Variants in GABRA2 observed in about 807,000 individuals in gnomAD.
GABRA2 encodes gamma-aminobutyric acid type A receptor subunit alpha2, also known as gamma-aminobutyric acid receptor subunit alpha-2.
In GABRA2, 16 loss-of-function variants were observed where a neutral mutation model predicts 48.7. That is an observed-to-expected ratio of 0.33 (90% CI 0.22 to 0.50). The LOEUF is 0.50. Ranked by LOEUF, GABRA2 falls within the 20% of genes least tolerant of loss-of-function variation. GABRA2 has a pLI of 0.98. For synonymous variants in GABRA2, 185 were observed against 184.5 expected (o/e 1.00, Z -0.02); for missense variants, 275 against 535.6 (o/e 0.51, Z 4.80).
chr4:46,358,438 A>G (rs991423488), intron 3 of GABRA2, among the ~76,000 whole-genome samples: 1 of 152,212 alleles, frequency 6.6e-6, no homozygotes, highest in South Asian at 2.1e-4. Context: ...TCCATATAGT[A>G]TAACATATTG....
intron 3 of GABRA2, chr4:46,365,791 T>C (rs992111615): frequency 6.6e-6 from 1 of 152,058 alleles, no homozygotes; most frequent in Non-Finnish European, 1.5e-5. Flanking sequence ...GTACACTATA[T>C]TGTGTCTCAT....
At chr4:46,319,985 A>T (rs1019313159) in intron 4 of GABRA2, among the ~76,000 whole-genome samples, 3 of 151,794 alleles carry the variant, frequency 2.0e-5, no homozygotes, top group East Asian at 1.9e-4. Flanking sequence ...AAAGACAGAG[A>T]GGCAAGATTT....
chr4:46,380,095 C>G (rs951275854), intron 3 of GABRA2, among the ~76,000 whole-genome samples: 1 of 152,296 alleles, frequency 6.6e-6, no homozygotes, highest in East Asian at 1.9e-4. Flanking sequence ...AGGGTGGTGA[C>G]TATGCTTTCA....
chr4:46,388,588 C>T, intron 2 of GABRA2, 48 bp downstream of exon 2: 1 of 1,603,944 alleles, frequency 6.2e-7, no homozygotes, highest in Non-Finnish European at 8.5e-7. Flanking sequence ...CTACAAGAAA[C>T]ACATCTTTGC....
chr4:46,384,107 G>A (rs565266298), intron 3 of GABRA2, among the ~76,000 whole-genome samples: 1 of 152,268 alleles, frequency 6.6e-6, no homozygotes, highest in East Asian at 1.9e-4. Flanking sequence ...TATGGCCAAG[G>A]CACAGCTTTG....
intron 4 of GABRA2, among the ~76,000 whole-genome samples, chr4:46,321,540 A>G (rs1729449784): frequency 6.6e-6 from 1 of 152,108 alleles, no homozygotes; most frequent in Non-Finnish European, 1.5e-5. Flanking sequence ...TCATAATGAT[A>G]CATATTAAGT....
intron 8 of GABRA2, among the ~76,000 whole-genome samples, chr4:46,276,493 A>G (rs2109434768): frequency 6.6e-6 from 1 of 152,180 alleles, no homozygotes; most frequent in South Asian, 2.1e-4. Context: ...GTTAACTAGG[A>G]GAATTCAAAT....
intron 8 of GABRA2, among the ~76,000 whole-genome samples, chr4:46,278,233 T>C (rs943575428): frequency 6.6e-6 from 1 of 152,174 alleles, no homozygotes; most frequent in Admixed American, 6.6e-5. Context: ...ATCCAAACTT[T>C]CTGTTTGTTG....
chr4:46,312,588 A>C lies in GABRA2; in HGVS notation c.384T>G (p.Phe128Leu). ...ASKIWTPDTF[F>L]HNGKKSVAHN... ...GAGCTACTGATTTTTTCCCATTGTGAAAAAAGGTATCTGGAGTCCAGATTT... is the reference window on the plus strand; with the variant it reads ...GAGCTACTGATTTTTTCCCATTGTGCAAAAAGGTATCTGGAGTCCAGATTT... The change falls in exon 5 of 10, where the codon TTT (phenylalanine) becomes TTG (leucine). Residue 128 changes from phenylalanine (F) to leucine (L), a missense_variant. Transcript: ENST00000381620. 6.3e-7 allele frequency: 1 copy of C among 1,595,400 alleles called. No individual in the cohort carries two copies. The highest frequency in any genetic ancestry group is 8.5e-7 in the Non-Finnish European group (1 of 1,171,798).
chr4:46,259,534 C>T (rs992780308), intron 9 of GABRA2, among the ~76,000 whole-genome samples: 3 of 151,904 alleles, frequency 2.0e-5, no homozygotes, highest in African/African-American at 4.8e-5. Context: ...TGTAATATGT[C>T]GAGTGTGCAC....
At chr4:46,312,317 A>T (rs113030293) in intron 5 of GABRA2, among the ~76,000 whole-genome samples, 179 bp downstream of exon 5, 2,391 of 152,314 alleles carry the variant, frequency 0.016, 66 homozygotes, top group African/African-American at 0.055. Context: ...CTCAAACTCA[A>T]AAATACTATT....
rs1366816404 is a variant in GABRA2, at chr4:46,386,066, A to G, written c.187+8T>C. The stretch of plus-strand genomic sequence containing the variant: ...ACGAGAGTTTTAAAAGAGGAAAACT[A>G]TTTTTACCTCCCAGTCCTGGTCTAA... On this transcript the variant is annotated splice_region_variant and intron_variant, in intron 3 of 9. Transcript: ENST00000381620. The G allele has an allele frequency of 1.3e-6, 2 of 1,551,334 alleles. No homozygotes were observed. The highest frequency in any genetic ancestry group is 1.7e-5 in the Admixed American group (1 of 58,462).
At chr4:46,372,175 A>AGCTTAC (rs1366298972) in intron 3 of GABRA2, among the ~76,000 whole-genome samples, 5 of 152,220 alleles carry the variant, frequency 3.3e-5, no homozygotes, top group African/African-American at 9.6e-5. Flanking sequence ...CATTGCCAGT[A>AGCTTAC]GCTTACTGAT....
chr4:46,271,637 T>G (rs1018522858), intron 8 of GABRA2, among the ~76,000 whole-genome samples: 1 of 151,950 alleles, frequency 6.6e-6, no homozygotes, highest in Non-Finnish European at 1.5e-5. Flanking sequence ...ACTCACATCT[T>G]TAATATTGGT....
At chr4:46,291,984 C>T (rs1053209586) in intron 8 of GABRA2, among the ~76,000 whole-genome samples, 2 of 152,062 alleles carry the variant, frequency 1.3e-5, no homozygotes, top group Non-Finnish European at 2.9e-5. Context: ...ATGCTGAGGA[C>T]TATACTTCTA....
At chr4:46,281,727 G>C (rs1011094968) in intron 8 of GABRA2, among the ~76,000 whole-genome samples, 2 of 152,160 alleles carry the variant, frequency 1.3e-5, no homozygotes, top group African/African-American at 4.8e-5. Context: ...TTTGAGGACA[G>C]TAAAAACAGC....
intron 8 of GABRA2, among the ~76,000 whole-genome samples, chr4:46,273,467 GC>G (rs1315977477): frequency 3.5e-5 from 1 of 28,818 alleles, no homozygotes. Context: ...ACCATTCATT[GC>G]ATATATATAT....
At chr4:46,252,049 C>CA (rs1228691189) in intron 9 of GABRA2, among the ~76,000 whole-genome samples, 2 of 151,428 alleles carry the variant, frequency 1.3e-5, no homozygotes, top group Non-Finnish European at 3.0e-5. Flanking sequence ...AATTGGTCTA[C>CA]AATCATATTT....
At chr4:46,271,499 C>G (rs780627536) in intron 8 of GABRA2, among the ~76,000 whole-genome samples, 10 of 152,016 alleles carry the variant, frequency 6.6e-5, no homozygotes, top group Non-Finnish European at 1.3e-4. Context: ...CCTCAGCATA[C>G]TGTAAAAGGT....
Sources: allele counts gnomAD v4.1 joint callset (sites outside exome capture counted in the v4.1 genomes callset), GRCh38; gene constraint gnomAD v4.1.1; transcripts MANE v1.5; gene names NCBI Gene and HGNC (gene_info 2026-07-23, HGNC 2026-07-21).